The following DRC11 variants were observed in gnomAD, a reference collection of about 807,000 sequenced individuals.
DRC11 encodes IQ and AAA domain-containing protein 1.
At chr2:236,462,488 A>G in the DRC11 span, among the ~76,000 whole-genome samples, 6 of 152,162 alleles carry the variant, frequency 3.9e-5, no homozygotes, top group African/African-American at 7.2e-5. The surrounding 1 kb of genome is among the most constrained non-coding windows in gnomAD (Gnocchi z 6.4). Context: ...TCTGGCCAAC[A>G]TGGTGAAACC....
the DRC11 span, among the ~76,000 whole-genome samples, chr2:236,347,271 G>C: frequency 6.6e-6 from 1 of 152,034 alleles, no homozygotes; most frequent in Non-Finnish European, 1.5e-5. Context: ...TTACACTGCT[G>C]GTGGGAATGT....
chr2:236,439,463 AGT>A, the DRC11 span, among the ~76,000 whole-genome samples: 1 of 152,210 alleles, frequency 6.6e-6, no homozygotes, highest in Non-Finnish European at 1.5e-5. Context: ...ATAAAAAGAT[AGT>A]GTGTATTTGT....
At chr2:236,505,553 T>C in the DRC11 span, among the ~76,000 whole-genome samples, 1 of 152,038 alleles carries the variant, frequency 6.6e-6, no homozygotes, top group Non-Finnish European at 1.5e-5. Flanking sequence ...CTCCAGACAT[T>C]TGCCTTCCCT....
chr2:236,507,357 C>G, the DRC11 span: 1 of 1,363,388 alleles, frequency 7.3e-7, no homozygotes. Flanking sequence ...AGGGCACTAC[C>G]AGGAGCTACA....
the DRC11 span, among the ~76,000 whole-genome samples, chr2:236,430,089 G>A: frequency 6.6e-6 from 1 of 152,102 alleles, no homozygotes; most frequent in Admixed American, 6.5e-5. This position sits in a 1 kb window ranked among gnomAD's most constrained non-coding sequence, Gnocchi z 6.0. Context: ...GGGGTTTGTG[G>A]TGACTTCCAG....
chr2:236,377,001 G>C, the DRC11 span: 2 of 781,968 alleles, frequency 2.6e-6, no homozygotes, highest in Non-Finnish European at 4.3e-6. The surrounding 1 kb of genome is among the most constrained non-coding windows in gnomAD (Gnocchi z 4.9). Flanking sequence ...CCAGGTTTTG[G>C]CTTGAACAAA....
At chr2:236,484,561 T>A in the DRC11 span, among the ~76,000 whole-genome samples, 1 of 151,990 alleles carries the variant, frequency 6.6e-6, no homozygotes, top group Non-Finnish European at 1.5e-5. Context: ...TATACTAATA[T>A]GAATATCTGT....
At chr2:236,329,093 G>T in the DRC11 span, among the ~76,000 whole-genome samples, 110 of 152,304 alleles carry the variant, frequency 7.2e-4, no homozygotes, top group African/African-American at 2.5e-3. Context: ...GGGCTACCTG[G>T]AGTACCAACG....
chr2:236,321,816 T>G, the DRC11 span, among the ~76,000 whole-genome samples: 1 of 152,172 alleles, frequency 6.6e-6, no homozygotes, highest in East Asian at 1.9e-4. Context: ...GAGCAGACAG[T>G]AAGACCCATA....
At chr2:236,332,336 C>T in the DRC11 span, 1 of 152,230 alleles carries the variant, frequency 6.6e-6, no homozygotes, top group Non-Finnish European at 1.5e-5. The surrounding 1 kb of genome is among the most constrained non-coding windows in gnomAD (Gnocchi z 5.1). Context: ...ATGGAATGAA[C>T]TCCTGTACAA....
the DRC11 span, chr2:236,331,429 G>A: frequency 6.2e-7 from 1 of 1,613,968 alleles, no homozygotes; most frequent in Non-Finnish European, 8.5e-7. This position sits in a 1 kb window ranked among gnomAD's most constrained non-coding sequence, Gnocchi z 4.8. Flanking sequence ...CTCAACTGCA[G>A]TGAGAGGTTT....
At chr2:236,447,190 G>A in the DRC11 span, among the ~76,000 whole-genome samples, 1 of 151,620 alleles carries the variant, frequency 6.6e-6, no homozygotes. The surrounding 1 kb of genome is among the most constrained non-coding windows in gnomAD (Gnocchi z 4.6). Flanking sequence ...TGCATCCCCT[G>A]CCCCCTCATA....
At chr2:236,319,048 G>A in the DRC11 span, among the ~76,000 whole-genome samples, 1 of 152,228 alleles carries the variant, frequency 6.6e-6, no homozygotes, top group Admixed American at 6.5e-5. The surrounding 1 kb of genome is among the most constrained non-coding windows in gnomAD (Gnocchi z 6.7). Flanking sequence ...GGTAGTGGGA[G>A]GATCTGGAGA....
the DRC11 span, among the ~76,000 whole-genome samples, chr2:236,437,944 T>A: frequency 1.5e-5 from 2 of 136,722 alleles, no homozygotes; most frequent in African/African-American, 5.5e-5. Context: ...CTCTTTAGTT[T>A]AATTAGATCC....
the DRC11 span, among the ~76,000 whole-genome samples, chr2:236,498,978 T>A: frequency 6.6e-6 from 1 of 152,182 alleles, no homozygotes; most frequent in African/African-American, 2.4e-5. Flanking sequence ...TGATCATTGA[T>A]GAAGGAGAAA....
chr2:236,359,612 G>A, the DRC11 span, among the ~76,000 whole-genome samples: 5 of 152,240 alleles, frequency 3.3e-5, no homozygotes, highest in African/African-American at 7.2e-5. The surrounding 1 kb of genome is among the most constrained non-coding windows in gnomAD (Gnocchi z 4.3). Context: ...ATATTTTGCT[G>A]CTCTTGAGCC....
the DRC11 span, among the ~76,000 whole-genome samples, chr2:236,377,575 C>T: frequency 6.6e-6 from 1 of 152,178 alleles, no homozygotes; most frequent in Non-Finnish European, 1.5e-5. This position sits in a 1 kb window ranked among gnomAD's most constrained non-coding sequence, Gnocchi z 4.9. Context: ...AGCTGTAGTA[C>T]ATCATTAATC....
At chr2:236,310,799 C>A in the DRC11 span, among the ~76,000 whole-genome samples, 1 of 152,122 alleles carries the variant, frequency 6.6e-6, no homozygotes, top group African/African-American at 2.4e-5. The surrounding 1 kb of genome is among the most constrained non-coding windows in gnomAD (Gnocchi z 5.5). Context: ...AAAAGCTAGG[C>A]GAGGGTATTT....
At chr2:236,435,182 G>A in the DRC11 span, among the ~76,000 whole-genome samples, 4 of 152,196 alleles carry the variant, frequency 2.6e-5, no homozygotes, top group African/African-American at 9.6e-5. Context: ...CTGAAACCCC[G>A]AGCTAAAGCC....
Sources: allele counts gnomAD v4.1 joint callset (sites outside exome capture counted in the v4.1 genomes callset), GRCh38; gene constraint gnomAD v4.1.1; non-coding constraint Gnocchi (gnomAD v3.1); transcripts MANE v1.5; gene names NCBI Gene and HGNC (gene_info 2026-07-23, HGNC 2026-07-21).